Variants in BICC1 observed in about 807,000 individuals in gnomAD.
The protein encoded by BICC1 is protein bicaudal C homolog 1.
Under a neutral mutation model 111.0 loss-of-function variants are expected in BICC1, and 43 were observed. The ratio of observed to expected loss-of-function variants is 0.39; its 90% CI spans 0.30 to 0.50. BICC1 has a LOEUF of 0.50. Ranked by LOEUF, BICC1 falls within the 20% of genes least tolerant of loss-of-function variation. The pLI, the probability that BICC1 is intolerant of heterozygous loss-of-function variation, is 0.88. For missense variants in BICC1, 1,091 were observed against 1,203.2 expected (o/e 0.91, Z 1.38); for synonymous variants, 467 against 434.4 (o/e 1.07, Z -0.93).
chr10:58,791,170 C>T (rs1843164107), intron 8 of BICC1, among the ~76,000 whole-genome samples: 1 of 152,046 alleles, frequency 6.6e-6, no homozygotes, highest in African/African-American at 2.4e-5. Context: ...TTTTAATATA[C>T]TGTACTACAA....
At chr10:58,629,112 G>T (rs1211322428) in intron 2 of BICC1, among the ~76,000 whole-genome samples, 2 of 152,326 alleles carry the variant, frequency 1.3e-5, no homozygotes, top group Non-Finnish European at 2.9e-5. Context: ...TTAGCTGGGG[G>T]AAAGGACTCA....
intron 20 of BICC1, among the ~76,000 whole-genome samples, chr10:58,821,627 A>G (rs937350824): frequency 1.3e-5 from 2 of 152,060 alleles, no homozygotes; most frequent in Non-Finnish European, 2.9e-5. Flanking sequence ...AGAGTTCTAC[A>G]CTCATCAGTT....
intron 2 of BICC1, among the ~76,000 whole-genome samples, chr10:58,685,512 G>T (rs927299259): frequency 2.0e-5 from 3 of 152,184 alleles, no homozygotes; most frequent in African/African-American, 7.2e-5. Context: ...AAGTCTCTTT[G>T]TAGGTCTCTA....
chr10:58,542,076 G>T (rs1014497995), intron 1 of BICC1, among the ~76,000 whole-genome samples: 1 of 149,724 alleles, frequency 6.7e-6, no homozygotes, highest in Admixed American at 6.7e-5. Flanking sequence ...GCTTGAGTCC[G>T]GGAAGTTGAG....
At chr10:58,523,502 A>G (rs1394827390) in intron 1 of BICC1, among the ~76,000 whole-genome samples, 1 of 152,238 alleles carries the variant, frequency 6.6e-6, no homozygotes, top group African/African-American at 2.4e-5. Flanking sequence ...AAAATTCAAC[A>G]AAGCTTCATG....
intron 2 of BICC1, among the ~76,000 whole-genome samples, chr10:58,677,121 C>T (rs899252670): frequency 6.6e-6 from 1 of 152,168 alleles, no homozygotes; most frequent in African/African-American, 2.4e-5. Flanking sequence ...GCTGAAAATT[C>T]CAAAAACCAG....
At chr10:58,753,360 G>A (rs1842044576) in intron 3 of BICC1, among the ~76,000 whole-genome samples, 1 of 152,100 alleles carries the variant, frequency 6.6e-6, no homozygotes, top group Non-Finnish European at 1.5e-5. Context: ...TAGAGACAGA[G>A]TCTCGCTATG....
chr10:58,763,897 A>G (rs1210379255), intron 3 of BICC1, among the ~76,000 whole-genome samples: 1 of 152,032 alleles, frequency 6.6e-6, no homozygotes, highest in African/African-American at 2.4e-5. Context: ...CCTAGGCAAA[A>G]GGCCTGGAAG....
intron 2 of BICC1, among the ~76,000 whole-genome samples, chr10:58,679,295 T>C (rs1366128109): frequency 6.6e-6 from 1 of 152,008 alleles, no homozygotes; most frequent in African/African-American, 2.4e-5. Flanking sequence ...CTAGCCAGAC[T>C]AATAAATAAG....
intron 1 of BICC1, among the ~76,000 whole-genome samples, chr10:58,557,336 G>C (rs1843478745): frequency 7.6e-6 from 1 of 132,018 alleles, no homozygotes; most frequent in East Asian, 2.3e-4. Context: ...AGTGATATAT[G>C]ACAGCGTCTT....
At chr10:58,639,719 A>ATTT (rs71033694) in intron 2 of BICC1, among the ~76,000 whole-genome samples, 1,361 of 93,058 alleles carry the variant, frequency 0.015, 46 homozygotes, top group South Asian at 0.022. Context: ...GCCCGGCCAA[A>ATTT]TTTTTTTTTT....
intron 1 of BICC1, among the ~76,000 whole-genome samples, chr10:58,533,525 C>T (rs1332912386): frequency 1.3e-5 from 2 of 151,602 alleles, no homozygotes; most frequent in Non-Finnish European, 2.9e-5. Context: ...GTTTTGATGT[C>T]CCCTCATCCA....
rs192292250 is a variant in BICC1 at position 58,646,653 on chromosome 10, A to C, written c.237+25752A>C. Among the ~76,000 whole-genome samples, 244 of 152,236 alleles carry C rather than the reference A, an allele frequency of 1.6e-3. 2 individuals are homozygous for C. The highest frequency in any genetic ancestry group is 3.0e-3 in the Non-Finnish European group (202 of 68,002). On this transcript the variant is annotated intron_variant, in intron 2 of 20. Coordinates refer to ENST00000373886, the MANE Select transcript of BICC1 (RefSeq NM_001080512.3). ...TGATATCTCTGTGCCTCCTGTATAG[A>C]ACTTCTTAGGAAACTCATAGCCGAA... is the stretch of plus-strand genomic sequence containing the variant.
intron 1 of BICC1, among the ~76,000 whole-genome samples, chr10:58,547,323 A>G (rs1242033998): frequency 6.6e-6 from 1 of 152,070 alleles, no homozygotes; most frequent in Non-Finnish European, 1.5e-5. Flanking sequence ...GACAGTTTTG[A>G]GAAGTATTCC....
chr10:58,540,184 A>G (rs1020514747), intron 1 of BICC1, among the ~76,000 whole-genome samples: 23 of 152,024 alleles, frequency 1.5e-4, no homozygotes, highest in African/African-American at 5.1e-4. Flanking sequence ...CCAATCAACA[A>G]CCTAACTTTA....
chr10:58,828,761 A>G lies in BICC1; in HGVS notation c.2795A>G (p.Glu932Gly), dbSNP rs387907124. The change falls in exon 21 of 21, where the codon GAA (glutamate) becomes GGA (glycine). Residue 932 changes from glutamate (E) to glycine (G), a missense_variant and splice_region_variant. This residue lies in a region of BICC1 where 231 missense variants were observed against 256.2 expected (regional missense o/e 0.90). Coordinates refer to ENST00000373886, the MANE Select transcript of BICC1 (RefSeq NM_001080512.3). ...ARRKMLLAIS[E>G]LNKNRRKLFE... is the part of the protein sequence containing the mutation. ...AACAATTCTCTCTTTCTCTCTCTAG[A>G]ACTAAATAAAAACCGAAGAAAGCTT... 13 of 1,613,330 alleles carry G rather than the reference A, an allele frequency of 8.1e-6. No individual in the cohort carries two copies. Among genetic ancestry groups the G allele is most frequent in the Admixed American group, 6.7e-5 (4 of 59,998 alleles).
chr10:58,705,037 C>G (rs1840349936), intron 3 of BICC1, among the ~76,000 whole-genome samples: 1 of 152,190 alleles, frequency 6.6e-6, no homozygotes, highest in African/African-American at 2.4e-5. Flanking sequence ...GTATGGCTCA[C>G]TTGCTTGAAG....
chr10:58,709,097 T>C (rs1366746757), intron 3 of BICC1, among the ~76,000 whole-genome samples: 1 of 152,220 alleles, frequency 6.6e-6, no homozygotes, highest in Admixed American at 6.5e-5. Context: ...TTTGAAAATA[T>C]ATAATAAATT....
chr10:58,586,717 A>G (rs901466173), intron 1 of BICC1, among the ~76,000 whole-genome samples: 3 of 152,196 alleles, frequency 2.0e-5, no homozygotes, highest in African/African-American at 7.2e-5. Context: ...ACTACAGACT[A>G]CATACATATA....
Sources: allele counts gnomAD v4.1 joint callset (sites outside exome capture counted in the v4.1 genomes callset), GRCh38; gene constraint gnomAD v4.1.1; regional missense constraint gnomAD v4.1.1; transcripts MANE v1.5; gene names NCBI Gene and HGNC (gene_info 2026-07-23, HGNC 2026-07-21).